Variants in AGBL1 observed in about 807,000 individuals in gnomAD.
AGBL1 encodes the protein AGBL carboxypeptidase 1.
A neutral mutation model predicts 118.9 loss-of-function variants in AGBL1; 130 were observed. The ratio of observed to expected loss-of-function variants is 1.09; its 90% confidence interval spans 0.95 to 1.26. The LOEUF is 1.26. Among genes scored for constraint, AGBL1 ranks in the 50% most tolerant of loss-of-function variants. AGBL1 has a pLI of 0.00. For missense variants in AGBL1, 1,584 were observed against 1,298.1 expected, an observed-to-expected ratio of 1.22 and a Z score of -3.38; for synonymous variants, 555 against 478.9, an observed-to-expected ratio of 1.16 and a Z score of -2.08.
At chr15:86,153,618 C>A (rs935500809) in intron 3 of AGBL1, among the ~76,000 whole-genome samples, 11 of 152,128 alleles carry the variant, frequency 7.2e-5, no homozygotes, top group Non-Finnish European at 1.6e-4. Flanking sequence ...TGTAACAAAC[C>A]TGCACGTTGT....
chr15:86,921,666 A>T (rs961600609), intron 23 of AGBL1, among the ~76,000 whole-genome samples: 1 of 152,112 alleles, frequency 6.6e-6, no homozygotes, highest in Non-Finnish European at 1.5e-5. Context: ...TGAGGTTTGG[A>T]GTTGCCTAGT....
intron 5 of AGBL1, among the ~76,000 whole-genome samples, chr15:86,214,588 T>G (rs549738195): frequency 1.3e-5 from 2 of 152,356 alleles, no homozygotes; most frequent in South Asian, 4.1e-4. Context: ...AGAAAGAGAC[T>G]CTCTTGTTTG....
intron 18 of AGBL1, among the ~76,000 whole-genome samples, chr15:86,405,493 T>C (rs1835627): frequency 0.67 from 102,327 of 151,726 alleles, 36,732 homozygotes; most frequent in African/African-American, 0.92. Flanking sequence ...GGCAACAGAG[T>C]GAGACTCTAT....
At position 86,108,724 on chromosome 15, in the gene AGBL1, C is replaced by T. The variant is rs574309821; in HGVS notation, c.51+28701C>T. 7.6e-4 allele frequency among the ~76,000 whole-genome samples: 115 copies of T among 152,206 alleles called. 1 individual carries two copies. The highest frequency in any genetic ancestry group is 2.7e-3 in the African/African-American group (111 of 41,526). On this transcript the variant is annotated intron_variant, in intron 1 of 22. Transcript: ENST00000614907. Reference sequence around the variant, plus strand: ...CTATAATCCCAGCACTTTGGGAGGCCGAGACGGGCGGATCACGAGGTCAAG... The same window carrying T: ...CTATAATCCCAGCACTTTGGGAGGCTGAGACGGGCGGATCACGAGGTCAAG...
At chr15:86,420,445 C>G (rs528704256) in intron 18 of AGBL1, among the ~76,000 whole-genome samples, 23 of 152,274 alleles carry the variant, frequency 1.5e-4, no homozygotes, top group Middle Eastern at 3.4e-3. Context: ...AACATCCACA[C>G]AGAAACCCCA....
intron 1 of AGBL1, among the ~76,000 whole-genome samples, chr15:86,098,651 T>A (rs923853081): frequency 6.6e-6 from 1 of 152,174 alleles, no homozygotes; most frequent in Non-Finnish European, 1.5e-5. Context: ...CTGGGTTCTT[T>A]ATTCTGTTTC....
At chr15:86,334,819 A>G (rs1206256195) in intron 17 of AGBL1, among the ~76,000 whole-genome samples, 1 of 152,224 alleles carries the variant, frequency 6.6e-6, no homozygotes, top group Non-Finnish European at 1.5e-5. Flanking sequence ...AGACACATAG[A>G]CCAATGGAAC....
At chr15:86,265,239 G>A (rs1471309752) in intron 11 of AGBL1, among the ~76,000 whole-genome samples, 1 of 152,126 alleles carries the variant, frequency 6.6e-6, no homozygotes, top group African/African-American at 2.4e-5. Flanking sequence ...AATTGATAGG[G>A]GATCTCTTGC....
intron 18 of AGBL1, among the ~76,000 whole-genome samples, chr15:86,420,574 C>G (rs2081773859): frequency 6.6e-6 from 1 of 152,180 alleles, no homozygotes; most frequent in Non-Finnish European, 1.5e-5. Context: ...CCTCACAACT[C>G]CTCACCAGCA....
intron 22 of AGBL1, among the ~76,000 whole-genome samples, chr15:86,877,463 T>C (rs531446463): frequency 6.6e-6 from 1 of 152,302 alleles, no homozygotes; most frequent in African/African-American, 2.4e-5. Context: ...GATGAGAGGA[T>C]GAACTCAGTT....
intron 22 of AGBL1, among the ~76,000 whole-genome samples, chr15:86,736,403 C>T (rs1227079777): frequency 6.6e-6 from 1 of 151,844 alleles, no homozygotes; most frequent in Non-Finnish European, 1.5e-5. Flanking sequence ...TTATTTAGCA[C>T]CTATATTATG....
intron 17 of AGBL1, among the ~76,000 whole-genome samples, chr15:86,342,474 T>C (rs2080475562): frequency 6.6e-6 from 1 of 152,152 alleles, no homozygotes; most frequent in Non-Finnish European, 1.5e-5. Context: ...GTAATAAAGA[T>C]TAAATATTTT....
At chr15:86,426,676 A>G (rs887878178) in intron 18 of AGBL1, among the ~76,000 whole-genome samples, 2 of 152,216 alleles carry the variant, frequency 1.3e-5, no homozygotes, top group Non-Finnish European at 2.9e-5. Flanking sequence ...AAATGCACAC[A>G]TTAGTTGAAA....
intron 21 of AGBL1, among the ~76,000 whole-genome samples, chr15:86,565,468 T>G (rs1052099978): frequency 6.6e-6 from 1 of 152,376 alleles, no homozygotes; most frequent in Admixed American, 6.5e-5. Context: ...CAGCAAATGT[T>G]GCTGCCTGAT....
intron 21 of AGBL1, among the ~76,000 whole-genome samples, chr15:86,632,797 G>A (rs200876718): frequency 3.7e-4 from 8 of 21,672 alleles, no homozygotes; most frequent in East Asian, 5.7e-3. Context: ...TTCTGCCAGC[G>A]TAGTTTTGTT....
chr15:87,024,647 G>A (rs184826080), intron 24 of AGBL1, among the ~76,000 whole-genome samples: 107 of 152,058 alleles, frequency 7.0e-4, no homozygotes, highest in African/African-American at 2.3e-3. Flanking sequence ...TATGAAGCCA[G>A]TATCACCCTA....
chr15:86,123,443 T>C (rs1490925915), intron 1 of AGBL1, among the ~76,000 whole-genome samples: 1 of 152,218 alleles, frequency 6.6e-6, no homozygotes, highest in Non-Finnish European at 1.5e-5. Context: ...TTTTACCATG[T>C]TGGCCAGGCT....
chr15:86,940,102 T>C (rs912275455), intron 23 of AGBL1, among the ~76,000 whole-genome samples: 1 of 128,552 alleles, frequency 7.8e-6, no homozygotes, highest in African/African-American at 3.1e-5. Context: ...AGAGACGGGG[T>C]TTCTCTGTGT....
intron 5 of AGBL1, among the ~76,000 whole-genome samples, chr15:86,196,867 GTGCGCGCGCGCGCA>G (rs1194482672): frequency 1.4e-5 from 1 of 72,390 alleles, no homozygotes; most frequent in African/African-American, 9.0e-5. Flanking sequence ...ATGTGCACAT[GTGCGCGCGCGCGCA>G]CACACACACA....
Sources: gnomAD v4.1 joint callset for allele counts (sites outside exome capture counted in the v4.1 genomes callset) on GRCh38, gnomAD v4.1.1 for gene constraint, MANE v1.5 for transcripts, NCBI Gene and HGNC (gene_info 2026-07-23, HGNC 2026-07-21) for gene names.